CMIP: variants seen among roughly 807,000 people sequenced by gnomAD.
CMIP encodes C-Maf-inducing protein.
Under a neutral mutation model 97.3 loss-of-function variants are expected in CMIP, and 13 were observed. The ratio of observed to expected loss-of-function variants is 0.13; its 90% confidence interval spans 0.09 to 0.21. The LOEUF is 0.21. CMIP is among the 10% of genes least tolerant of loss of function. The pLI, the probability that CMIP is intolerant of heterozygous loss-of-function variation, is 1.00. For missense variants in CMIP, 847 were observed against 1,024.9 expected (o/e 0.83, Z 2.37); for synonymous variants, 538 against 436.3 (o/e 1.23, Z -2.91).
intron 10 of CMIP, among the ~76,000 whole-genome samples, chr16:81,683,373 C>G (rs1905065428): frequency 6.6e-6 from 1 of 152,166 alleles, no homozygotes; most frequent in Non-Finnish European, 1.5e-5. Flanking sequence ...CCTCGGGGAA[C>G]TTCAGGGAAA....
intron 2 of CMIP, chr16:81,619,480 T>TGC (rs1317797275): frequency 1.3e-5 from 2 of 152,358 alleles, no homozygotes; most frequent in Middle Eastern, 3.4e-3. Flanking sequence ...AGTGTGTGTG[T>TGC]GCGCGTTTGT....
chr16:81,597,584 C>T (rs1278202869), intron 1 of CMIP, among the ~76,000 whole-genome samples: 15 of 44,414 alleles, frequency 3.4e-4, no homozygotes, highest in African/African-American at 1.4e-3. Context: ...GGGAGGTGAG[C>T]GAGGGGAGCG....
intron 1 of CMIP, among the ~76,000 whole-genome samples, chr16:81,487,375 G>A (rs1195319634): frequency 2.6e-5 from 4 of 152,238 alleles, no homozygotes; most frequent in Non-Finnish European, 4.4e-5. Flanking sequence ...GGTCAGGGCC[G>A]AGTGGGGCTC....
At chr16:81,656,566 T>G (rs1409744960) in intron 4 of CMIP, among the ~76,000 whole-genome samples, 1 of 152,190 alleles carries the variant, frequency 6.6e-6, no homozygotes, top group African/African-American at 2.4e-5. Context: ...GCCGTCTCTT[T>G]CCTTGTTCAA....
At chr16:81,466,104 A>G (rs543906889) in intron 1 of CMIP, among the ~76,000 whole-genome samples, 5 of 151,780 alleles carry the variant, frequency 3.3e-5, no homozygotes, top group Non-Finnish European at 5.9e-5. Flanking sequence ...CCTGTCACCT[A>G]GGCTAGAGTT....
At chr16:81,677,378 C>A (rs9972695) in intron 9 of CMIP, among the ~76,000 whole-genome samples, 19,574 of 152,146 alleles carry the variant, frequency 0.13, 1,631 homozygotes, top group African/African-American at 0.23. Context: ...CAGAGACGGT[C>A]GGAATCACTG....
intron 1 of CMIP, among the ~76,000 whole-genome samples, chr16:81,498,472 A>G (rs1463839382): frequency 6.6e-6 from 1 of 151,908 alleles, no homozygotes; most frequent in Non-Finnish European, 1.5e-5. Flanking sequence ...TGAGGGGGCC[A>G]CTCTGCCTCT....
chr16:81,570,461 A>G (rs2091067497), intron 1 of CMIP, among the ~76,000 whole-genome samples: 1 of 152,028 alleles, frequency 6.6e-6, no homozygotes, highest in Non-Finnish European at 1.5e-5. Flanking sequence ...GCCTCGGTGT[A>G]TTTTTTTAGT....
At chr16:81,633,354 T>C (rs576356997) in intron 3 of CMIP, among the ~76,000 whole-genome samples, 1 of 152,330 alleles carries the variant, frequency 6.6e-6, no homozygotes, top group African/African-American at 2.4e-5. Context: ...CATTCTTTTG[T>C]TGGCCTCCAG....
At chr16:81,526,605 C>G (rs1012521752) in intron 1 of CMIP, among the ~76,000 whole-genome samples, 1 of 152,216 alleles carries the variant, frequency 6.6e-6, no homozygotes, top group African/African-American at 2.4e-5. Flanking sequence ...TCATTATGAT[C>G]AGCTTCCTTT....
chr16:81,640,737 CATGTGTGT>C (rs2092295068), intron 3 of CMIP, among the ~76,000 whole-genome samples: 1 of 75,980 alleles, frequency 1.3e-5, no homozygotes, highest in Non-Finnish European at 3.7e-5. Flanking sequence ...CTCTCTGGAG[CATGTGTGT>C]GTGTGTGTGT....
chr16:81,659,099 C>G (rs897838380), intron 5 of CMIP, among the ~76,000 whole-genome samples: 26 of 152,250 alleles, frequency 1.7e-4, no homozygotes, highest in African/African-American at 6.3e-4. Flanking sequence ...TGTCCATTGC[C>G]TTCTCTTGCC....
At chr16:81,684,024 G>C (rs962223226) in intron 10 of CMIP, among the ~76,000 whole-genome samples, 1 of 151,904 alleles carries the variant, frequency 6.6e-6, no homozygotes, top group Admixed American at 6.6e-5. Context: ...GCCTCCCAAA[G>C]TGCTAGGATT....
intron 1 of CMIP, among the ~76,000 whole-genome samples, chr16:81,526,864 C>G (rs2090143177): frequency 6.6e-6 from 1 of 152,216 alleles, no homozygotes. Context: ...CCCTGAGCCT[C>G]TCTCTACCCA....
chr16:81,570,341 C>A (rs1255713819), intron 1 of CMIP, among the ~76,000 whole-genome samples: 1 of 152,120 alleles, frequency 6.6e-6, no homozygotes, highest in African/African-American at 2.4e-5. Flanking sequence ...AGTAGACTTC[C>A]GGGATGGCTG....
chr16:81,488,282 C>G (rs1013239846), intron 1 of CMIP, among the ~76,000 whole-genome samples: 14 of 152,110 alleles, frequency 9.2e-5, no homozygotes, highest in Non-Finnish European at 1.9e-4. Flanking sequence ...TTAAATTCCT[C>G]TTCCTCCACT....
In CMIP at chr16:81,664,256, A is replaced by G. The variant is rs574291457; in HGVS notation, c.745-13A>G. ...CTTAGGGCCGCAGTAACTGTACCCCACTCTGTCCCCAGCACTGCAGAGAGC... is the reference window on the plus strand; with the variant it reads ...CTTAGGGCCGCAGTAACTGTACCCCGCTCTGTCCCCAGCACTGCAGAGAGC... On this transcript the variant is annotated splice_polypyrimidine_tract_variant and intron_variant, in intron 6 of 20. Transcript: ENST00000537098. 1.4e-5 allele frequency: 23 copies of G among 1,589,176 alleles called. No individual in the cohort carries two copies. In the East Asian group the frequency reaches 5.3e-4, roughly 37 times the overall value.
chr16:81,571,600 A>G (rs2091089698), intron 1 of CMIP, among the ~76,000 whole-genome samples: 1 of 151,408 alleles, frequency 6.6e-6, no homozygotes, highest in Admixed American at 6.6e-5. Context: ...AAAAAAAAAA[A>G]AAAAAAAAAA....
chr16:81,518,009 C>T (rs1032075300), intron 1 of CMIP: 23 of 515,592 alleles, frequency 4.5e-5, no homozygotes, highest in Non-Finnish European at 5.7e-5. Flanking sequence ...TCCCTTTGCA[C>T]TTCTCATGCC....
Sources: gnomAD v4.1 joint callset for allele counts (sites outside exome capture counted in the v4.1 genomes callset) on GRCh38, gnomAD v4.1.1 for gene constraint, MANE v1.5 for transcripts, NCBI Gene and HGNC (gene_info 2026-07-23, HGNC 2026-07-21) for gene names.